GRIK4: variants seen among roughly 807,000 people sequenced by gnomAD.
GRIK4 encodes the protein glutamate ionotropic receptor kainate type subunit 4.
A neutral mutation model predicts 104.9 loss-of-function variants in GRIK4; 40 were observed. The ratio of observed to expected loss-of-function variants is 0.38; its 90% confidence interval spans 0.30 to 0.50. The LOEUF is 0.50. Among genes scored for constraint, GRIK4 ranks in the 20% least tolerant of loss-of-function variants. The probability of loss-of-function intolerance (pLI) is 0.93; values close to 1 mark genes in which losing one functional copy is unlikely to be tolerated. For synonymous variants in GRIK4, 485 were observed against 524.9 expected, an observed-to-expected ratio of 0.92 and a Z score of 1.04; for missense variants, 1,047 against 1,308.1, an observed-to-expected ratio of 0.80 and a Z score of 3.08.
At chr11:120,861,495 C>CA (rs1426930402) in intron 8 of GRIK4, among the ~76,000 whole-genome samples, 1 of 152,138 alleles carries the variant, frequency 6.6e-6, no homozygotes, top group South Asian at 2.1e-4. Flanking sequence ...ACAAGCACAC[C>CA]ATGGGCAGTT....
At chr11:120,862,169 T>A in intron 9 of GRIK4, 49 bp downstream of exon 9, 1 of 1,539,318 alleles carries the variant, frequency 6.5e-7, no homozygotes, top group South Asian at 1.2e-5. Flanking sequence ...CTCTGCACAT[T>A]GCCCCTCTGT....
intron 6 of GRIK4, among the ~76,000 whole-genome samples, chr11:120,820,142 A>ACT (rs1402738483): frequency 6.6e-6 from 1 of 151,868 alleles, no homozygotes; most frequent in Non-Finnish European, 1.5e-5. Flanking sequence ...AAAAAGAGAG[A>ACT]AAGAGAGAGA....
rs547467947 is a variant in GRIK4, at chr11:120,554,565, C to CTT, written c.-159+42688_-159+42689dup. On this transcript the variant is annotated intron_variant, in intron 1 of 20. Transcript: ENST00000527524. ...GCTCTCTTTTTTTCTTTTTCTTTTTCTTTTTTTTTTTGAGACAGGAGCTCG... is the reference window on the plus strand; with the variant it reads ...GCTCTCTTTTTTTCTTTTTCTTTTTCTTTTTTTTTTTTTGAGACAGGAGCTCG... Among the ~76,000 whole-genome samples, 34 of 146,122 alleles carry CTT rather than the reference C, an allele frequency of 2.3e-4. No homozygotes were observed. The East Asian group carries it at 3.0e-3, about 13-fold the overall frequency.
chr11:120,886,732 A>G (rs1164069272), intron 11 of GRIK4, among the ~76,000 whole-genome samples: 2 of 152,232 alleles, frequency 1.3e-5, no homozygotes, highest in Admixed American at 6.5e-5. Flanking sequence ...GAGCAAATGT[A>G]TGAGTAGCTG....
At chr11:120,725,111 AT>A (rs1330232735) in intron 3 of GRIK4, among the ~76,000 whole-genome samples, 1 of 152,212 alleles carries the variant, frequency 6.6e-6, no homozygotes, top group African/African-American at 2.4e-5. Flanking sequence ...TTACAAATAA[AT>A]TTTATTTCAG....
intron 3 of GRIK4, among the ~76,000 whole-genome samples, chr11:120,787,869 T>C (rs1224981514): frequency 1.3e-3 from 152 of 120,804 alleles, no homozygotes; most frequent in Non-Finnish European, 2.4e-3. Flanking sequence ...TTTTTTTTTT[T>C]TTTTTTTTTT....
rs1173046475 is a variant in GRIK4 at position 120,903,765 on chromosome 11, C to T, written c.1273-1525C>T. 6.6e-6 allele frequency among the ~76,000 whole-genome samples: 1 copy of T among 152,142 alleles called. No homozygotes were observed. Among genetic ancestry groups the T allele is most frequent in the Non-Finnish European group, 1.5e-5 (1 of 68,024 alleles). On this transcript the variant is annotated intron_variant, in intron 12 of 20. Coordinates refer to ENST00000527524, the MANE Select transcript of GRIK4 (RefSeq NM_014619.5). This position sits in a 1 kb window ranked among gnomAD's most constrained non-coding sequence, Gnocchi z 4.4. ...CTCTCTGTGCCTGCCGCCTTGCCTC[C>T]CTTAGCTCCTAACCTGTCAAAATGC...
intron 3 of GRIK4, among the ~76,000 whole-genome samples, chr11:120,743,998 C>T (rs763977125): frequency 4.6e-5 from 7 of 152,088 alleles, no homozygotes; most frequent in African/African-American, 1.4e-4. Context: ...GCCAGAGGGC[C>T]GTGACAGAAT....
intron 1 of GRIK4, among the ~76,000 whole-genome samples, chr11:120,538,613 G>A (rs1032418702): frequency 1.3e-5 from 2 of 152,262 alleles, no homozygotes; most frequent in South Asian, 4.1e-4. Context: ...AGACTGCCTC[G>A]GGTCCCTTCT....
intron 3 of GRIK4, among the ~76,000 whole-genome samples, chr11:120,688,212 C>T (rs1194768573): frequency 6.6e-6 from 1 of 152,230 alleles, no homozygotes; most frequent in Non-Finnish European, 1.5e-5. Context: ...TCCCATCCTT[C>T]TTGCTCCAGC....
intron 3 of GRIK4, among the ~76,000 whole-genome samples, chr11:120,783,798 A>G (rs1413099791): frequency 1.3e-5 from 2 of 152,244 alleles, no homozygotes; most frequent in East Asian, 3.8e-4. Context: ...TCCAGAAAAG[A>G]ATACCAAAGC....
chr11:120,749,725 G>T (rs148895512), intron 3 of GRIK4, among the ~76,000 whole-genome samples: 1 of 152,202 alleles, frequency 6.6e-6, no homozygotes, highest in Non-Finnish European at 1.5e-5. Context: ...TTGAAGGCCA[G>T]TTGTAGAGGA....
intron 11 of GRIK4, among the ~76,000 whole-genome samples, chr11:120,876,036 T>A (rs1168698881): frequency 1.3e-5 from 2 of 151,988 alleles, no homozygotes; most frequent in East Asian, 3.9e-4. Context: ...GCTTCCTGAC[T>A]GTCAGAGTGG....
chr11:120,794,194 G>C (rs1952463115), intron 3 of GRIK4, among the ~76,000 whole-genome samples: 1 of 148,852 alleles, frequency 6.7e-6, no homozygotes, highest in Admixed American at 6.6e-5. Context: ...TTAGGGCTGA[G>C]AGCCGGGTGA....
At chr11:120,718,227 TAAG>T (rs1001364601) in intron 3 of GRIK4, among the ~76,000 whole-genome samples, 4 of 152,020 alleles carry the variant, frequency 2.6e-5, no homozygotes, top group Non-Finnish European at 5.9e-5. Flanking sequence ...CTCAAGTCTG[TAAG>T]TCCATCAGGG....
intron 1 of GRIK4, among the ~76,000 whole-genome samples, chr11:120,617,171 G>A (rs1317176): frequency 0.026 from 3,992 of 152,228 alleles, 334 homozygotes; most frequent in East Asian, 0.17. Context: ...CTTTTGTCTC[G>A]CAAGAGGTTA....
At chr11:120,704,586 A>G (rs562663485) in intron 3 of GRIK4, among the ~76,000 whole-genome samples, 1 of 152,278 alleles carries the variant, frequency 6.6e-6, no homozygotes, top group African/African-American at 2.4e-5. Flanking sequence ...TTCCTCTACT[A>G]GAATGTAAGC....
At chr11:120,546,422 C>T (rs539404125) in intron 1 of GRIK4, among the ~76,000 whole-genome samples, 17 of 152,170 alleles carry the variant, frequency 1.1e-4, no homozygotes, top group Non-Finnish European at 1.6e-4. Context: ...CAAGGGACCG[C>T]GCCTGCCTGT....
At chr11:120,893,148 G>C (rs921945587) in intron 11 of GRIK4, among the ~76,000 whole-genome samples, 1 of 152,180 alleles carries the variant, frequency 6.6e-6, no homozygotes, top group African/African-American at 2.4e-5. Flanking sequence ...GAGGACAGAG[G>C]AACATAATAA....
Sources: gnomAD v4.1 joint callset for allele counts (sites outside exome capture counted in the v4.1 genomes callset) on GRCh38, gnomAD v4.1.1 for gene constraint, Gnocchi (gnomAD v3.1) non-coding constraint, MANE v1.5 for transcripts, NCBI Gene and HGNC (gene_info 2026-07-23, HGNC 2026-07-21) for gene names.